The following LRRFIP2 variants were observed in gnomAD, a reference collection of about 807,000 sequenced individuals.
LRRFIP2 encodes the protein leucine-rich repeat flightless-interacting protein 2.
Under a neutral mutation model 125.9 loss-of-function variants are expected in LRRFIP2, and 109 were observed. The observed-to-expected ratio is 0.87, with a 90% CI of 0.74 to 1.01. LRRFIP2 has a LOEUF of 1.01. Ranked by LOEUF, LRRFIP2 falls within the 50% of genes least tolerant of loss-of-function variation. The pLI, the probability that LRRFIP2 is intolerant of heterozygous loss-of-function variation, is 0.00. For synonymous variants in LRRFIP2, 291 were observed against 293.1 expected, an observed-to-expected ratio of 0.99 and a Z score of 0.07; for missense variants, 850 against 862.3, an observed-to-expected ratio of 0.99 and a Z score of 0.18.
chr3:37,065,436 G>A (rs955544934), intron 23 of LRRFIP2: 2 of 388,696 alleles, frequency 5.1e-6, no homozygotes, highest in Non-Finnish European at 1.0e-5. Flanking sequence ...AAAACCAGAT[G>A]TTCCAAGGAT....
intron 3 of LRRFIP2, among the ~76,000 whole-genome samples, chr3:37,128,656 C>T (rs555865810): frequency 1.4e-4 from 21 of 152,196 alleles, no homozygotes; most frequent in African/African-American, 4.8e-4. Flanking sequence ...CATATTCTTA[C>T]ATATTTTCCT....
intron 2 of LRRFIP2, among the ~76,000 whole-genome samples, chr3:37,148,227 T>A (rs554168849): frequency 6.6e-6 from 1 of 152,152 alleles, no homozygotes; most frequent in African/African-American, 2.4e-5. Context: ...CATAAAAATA[T>A]AAAGAAAAAT....
intron 4 of LRRFIP2, among the ~76,000 whole-genome samples, chr3:37,123,451 A>C (rs1047321020): frequency 6.6e-6 from 1 of 152,112 alleles, no homozygotes; most frequent in Admixed American, 6.5e-5. Context: ...GGCCTTCCAA[A>C]GTGCTGGTAT....
chr3:37,118,562 C>G (rs1379250304), intron 6 of LRRFIP2, among the ~76,000 whole-genome samples: 1 of 152,204 alleles, frequency 6.6e-6, no homozygotes, highest in Non-Finnish European at 1.5e-5. Context: ...CTACCATTCA[C>G]AGTCTTGAAC....
chr3:37,128,930 T>C, intron 3 of LRRFIP2, 133 bp downstream of exon 3: 1 of 792,122 alleles, frequency 1.3e-6, no homozygotes, highest in African/African-American at 1.7e-5. Context: ...ACAGAATGGC[T>C]TGATAAAATA....
At chr3:37,072,656 C>A in intron 21 of LRRFIP2, 134 bp downstream of exon 21, 1 of 512,138 alleles carries the variant, frequency 2.0e-6, no homozygotes. Flanking sequence ...GTCTCTGTCT[C>A]CTACTGACTC....
intron 13 of LRRFIP2, among the ~76,000 whole-genome samples, chr3:37,106,531 G>A (rs2094332481): frequency 6.6e-6 from 1 of 152,088 alleles, no homozygotes; most frequent in Non-Finnish European, 1.5e-5. Context: ...ATATAAGCTG[G>A]GTACAGTAAT....
Position 37,115,039 on chromosome 3 carries a change from T to A in LRRFIP2, c.372+15A>T. On this transcript the variant is annotated intron_variant, in intron 7 of 27. Transcript: ENST00000336686. The stretch of plus-strand genomic sequence containing the variant: ...GTAAAATTCCACATATAACACAAAG[T>A]CATGTGCTACATACTAATGATGAAA... 6.3e-7 allele frequency: 1 copy of A among 1,590,490 alleles called. No homozygotes were observed. The highest frequency in any genetic ancestry group is 8.6e-7 in the Non-Finnish European group (1 of 1,161,162).
intron 13 of LRRFIP2, among the ~76,000 whole-genome samples, chr3:37,107,335 T>C (rs2094377915): frequency 6.6e-6 from 1 of 152,188 alleles, no homozygotes; most frequent in African/African-American, 2.4e-5. Context: ...TGTTTAAAAT[T>C]TTTATCAAAA....
At chr3:37,142,148 CTTTTT>C (rs1006144645) in intron 2 of LRRFIP2, among the ~76,000 whole-genome samples, 1 of 129,750 alleles carries the variant, frequency 7.7e-6, no homozygotes, top group Admixed American at 7.8e-5. Flanking sequence ...ATTTTTCCTA[CTTTTT>C]TTTTTTTTTT....
intron 2 of LRRFIP2, among the ~76,000 whole-genome samples, chr3:37,144,660 C>G (rs975594091): frequency 1.4e-4 from 21 of 152,118 alleles, no homozygotes; most frequent in Non-Finnish European, 7.4e-5. Flanking sequence ...AGCTTTAAAA[C>G]TTTAGTATCA....
intron 2 of LRRFIP2, among the ~76,000 whole-genome samples, chr3:37,147,773 A>G (rs1170697504): frequency 6.6e-6 from 1 of 152,254 alleles, no homozygotes; most frequent in Non-Finnish European, 1.5e-5. Flanking sequence ...GTTTGTGGTC[A>G]GTCTGCAGTT....
intron 20 of LRRFIP2, among the ~76,000 whole-genome samples, chr3:37,074,129 G>T (rs770589831): frequency 2.0e-5 from 3 of 152,076 alleles, no homozygotes; most frequent in Non-Finnish European, 4.4e-5. Context: ...CTATTAAATG[G>T]TTTTTAAAAA....
chr3:37,096,306 C>A (rs2093715201), intron 16 of LRRFIP2, among the ~76,000 whole-genome samples: 1 of 152,084 alleles, frequency 6.6e-6, no homozygotes, highest in Admixed American at 6.6e-5. Flanking sequence ...CACCACCATT[C>A]CTAAAGAAAC....
intron 2 of LRRFIP2, among the ~76,000 whole-genome samples, chr3:37,131,211 T>C (rs762267022): frequency 6.6e-6 from 1 of 152,186 alleles, no homozygotes; most frequent in Non-Finnish European, 1.5e-5. Context: ...TCTCTCTCCA[T>C]TCCTGGACTC....
intron 15 of LRRFIP2, among the ~76,000 whole-genome samples, chr3:37,097,092 A>G (rs1331629374): frequency 6.6e-6 from 1 of 152,124 alleles, no homozygotes; most frequent in Non-Finnish European, 1.5e-5. Context: ...TAGTACACTC[A>G]GCCAAAAAAG....
chr3:37,066,318 TCTAGGGC>T lies in LRRFIP2; in HGVS notation c.1465_1471del (p.Ala489ArgfsTer28), dbSNP rs1392414999. ...GCAGGCAATGTATTCTTTCTGTTTC[TCTAGGGC>T]CTGGTTTTAGGTAAGGTAGCAAGGG... On this transcript the variant is annotated frameshift_variant and splice_region_variant, in exon 22 of 28. Coordinates refer to ENST00000336686, the MANE Select transcript of LRRFIP2 (RefSeq NM_006309.4). LOFTEE classifies it high-confidence loss of function. The T allele has an allele frequency of 1.2e-6, 2 of 1,613,922 alleles. No homozygotes were observed. Among genetic ancestry groups the T allele is most frequent in the South Asian group, 1.1e-5 (1 of 91,076 alleles).
chr3:37,096,083 G>A (rs1331053011), intron 16 of LRRFIP2, among the ~76,000 whole-genome samples: 1 of 151,964 alleles, frequency 6.6e-6, no homozygotes, highest in African/African-American at 2.4e-5. Flanking sequence ...ATATAAGTTC[G>A]CATTTGTGGC....
chr3:37,107,681 G>T (rs1383591116), intron 13 of LRRFIP2, among the ~76,000 whole-genome samples: 1 of 151,860 alleles, frequency 6.6e-6, no homozygotes, highest in Non-Finnish European at 1.5e-5. Flanking sequence ...TCCTTTCACT[G>T]CACTGATAGA....
Sources: allele counts gnomAD v4.1 joint callset (sites outside exome capture counted in the v4.1 genomes callset), GRCh38; gene constraint gnomAD v4.1.1; transcripts MANE v1.5; gene names NCBI Gene and HGNC (gene_info 2026-07-23, HGNC 2026-07-21).